Variants in WWOX observed in about 807,000 individuals in gnomAD.
The protein encoded by WWOX is WW domain-containing oxidoreductase.
WWOX carries 69 observed loss-of-function variants against 46.2 expected under a neutral mutation model. The observed-to-expected ratio is 1.49, with a 90% confidence interval of 1.23 to 1.82. The LOEUF is 1.82. Among genes scored for constraint, WWOX ranks in the 40% most tolerant of loss-of-function variants. The pLI is 0.00. For missense variants in WWOX, 919 were observed against 542.6 expected, an observed-to-expected ratio of 1.69 and a Z score of -6.89; for synonymous variants, 359 against 202.6, an observed-to-expected ratio of 1.77 and a Z score of -6.56.
Position 78,594,294 on chromosome 16 carries a change from C to G in WWOX, c.1056+161542C>G, listed in dbSNP as rs530100050. Among the ~76,000 whole-genome samples the G allele has an allele frequency of 2.7e-3, 404 of 152,074 alleles. 1 individual carries two copies. Among genetic ancestry groups the G allele is most frequent in the Non-Finnish European group, 2.4e-3 (165 of 67,986 alleles). On this transcript the variant is annotated intron_variant, in intron 8 of 8. Transcript: ENST00000566780. ...TTGCAAAGTCGATTCCTGACATTTCCGTAGACTGTTTTTTTTGTTTTCAGC... is the reference window on the plus strand; with the variant it reads ...TTGCAAAGTCGATTCCTGACATTTCGGTAGACTGTTTTTTTTGTTTTCAGC...
intron 8 of WWOX, among the ~76,000 whole-genome samples, chr16:78,799,941 C>G (rs936048619): frequency 1.3e-5 from 2 of 152,144 alleles, no homozygotes; most frequent in Admixed American, 1.3e-4. Flanking sequence ...ATCTCAGGCA[C>G]TAGTTAGGAA....
intron 8 of WWOX, among the ~76,000 whole-genome samples, chr16:78,864,773 T>C (rs2043966624): frequency 9.1e-6 from 1 of 109,698 alleles, no homozygotes; most frequent in Non-Finnish European, 1.9e-5. Context: ...TTTTTTTTTT[T>C]TTTTTTTTTG....
intron 5 of WWOX, among the ~76,000 whole-genome samples, chr16:78,285,005 A>G (rs1181765804): frequency 6.6e-6 from 1 of 152,196 alleles, no homozygotes; most frequent in Non-Finnish European, 1.5e-5. Flanking sequence ...ATAGGCATGC[A>G]TGTAATGATG....
intron 5 of WWOX, among the ~76,000 whole-genome samples, chr16:78,358,892 C>CA (rs1286815942): frequency 8.2e-6 from 1 of 121,572 alleles, no homozygotes; most frequent in African/African-American, 3.3e-5. Context: ...TTTAACCAGA[C>CA]ATATAGTGGC....
At chr16:78,602,367 G>A (rs1242736105) in intron 8 of WWOX, among the ~76,000 whole-genome samples, 1 of 152,094 alleles carries the variant, frequency 6.6e-6, no homozygotes, top group African/African-American at 2.4e-5. Context: ...TGAGTAGCTG[G>A]GACTAAAGGC....
intron 8 of WWOX, among the ~76,000 whole-genome samples, chr16:79,155,203 C>T (rs570215517): frequency 6.6e-6 from 1 of 152,252 alleles, no homozygotes; most frequent in South Asian, 2.1e-4. Context: ...TGGTGAAACC[C>T]CATCTCTCCT....
chr16:78,119,770 T>A (rs1049860648), intron 4 of WWOX, among the ~76,000 whole-genome samples: 1 of 152,156 alleles, frequency 6.6e-6, no homozygotes, highest in African/African-American at 2.4e-5. Context: ...CCAGATGCTA[T>A]TAGCAAGTAT....
At chr16:78,701,552 T>C (rs2048218092) in intron 8 of WWOX, among the ~76,000 whole-genome samples, 1 of 152,056 alleles carries the variant, frequency 6.6e-6, no homozygotes, top group Non-Finnish European at 1.5e-5. Context: ...TACTTTTCTC[T>C]TTTTCCCAGC....
At chr16:79,027,800 C>G (rs893987439) in intron 8 of WWOX, among the ~76,000 whole-genome samples, 1 of 151,640 alleles carries the variant, frequency 6.6e-6, no homozygotes, top group Admixed American at 6.6e-5. Flanking sequence ...AAGCATTTCT[C>G]GGGATGGTTT....
chr16:78,752,914 A>C (rs781626805), intron 8 of WWOX, among the ~76,000 whole-genome samples: 15 of 152,232 alleles, frequency 9.9e-5, no homozygotes, highest in Non-Finnish European at 1.8e-4. Flanking sequence ...CACCAGCAGC[A>C]ACGGCACACT....
chr16:78,124,731 A>G (rs2033283783), intron 4 of WWOX, among the ~76,000 whole-genome samples: 1 of 152,178 alleles, frequency 6.6e-6, no homozygotes, highest in Non-Finnish European at 1.5e-5. Flanking sequence ...AATTGTTTTA[A>G]GTCTTTGAGT....
At chr16:78,470,251 G>C (rs1375784105) in intron 8 of WWOX, among the ~76,000 whole-genome samples, 1 of 152,188 alleles carries the variant, frequency 6.6e-6, no homozygotes, top group Non-Finnish European at 1.5e-5. Flanking sequence ...TGAGGCCTGG[G>C]AGTGGCACAA....
Position 78,316,433 on chromosome 16 carries a change from C to A in WWOX, c.517-70427C>A, listed in dbSNP as rs75389161. Among the ~76,000 whole-genome samples the A allele has an allele frequency of 9.4e-3, 1,430 of 152,160 alleles. 78 individuals carry two copies. Among genetic ancestry groups the A allele is most frequent in the Admixed American group, 0.085 (1,299 of 15,288 alleles). On this transcript the variant is annotated intron_variant, in intron 5 of 8. Coordinates refer to ENST00000566780, the MANE Select transcript of WWOX (RefSeq NM_016373.4). ...TTGGCTCACTGCAACCTCCGACCCC[C>A]CTGGGTTCAAGCGATTCTCCTGCCT...
At chr16:78,819,308 C>T (rs1024570131) in intron 8 of WWOX, among the ~76,000 whole-genome samples, 2 of 152,126 alleles carry the variant, frequency 1.3e-5, no homozygotes, top group East Asian at 1.9e-4. Context: ...GGCTTACACA[C>T]CGGACCAAAT....
At chr16:78,995,886 AT>A (rs1340364780) in intron 8 of WWOX, among the ~76,000 whole-genome samples, 4 of 152,186 alleles carry the variant, frequency 2.6e-5, no homozygotes, top group Non-Finnish European at 4.4e-5. Context: ...GTGATCTTAA[AT>A]GGGATCATTT....
At chr16:78,580,426 C>A (rs937728335) in intron 8 of WWOX, among the ~76,000 whole-genome samples, 1 of 152,190 alleles carries the variant, frequency 6.6e-6, no homozygotes, top group South Asian at 2.1e-4. Context: ...TTGATTGCCT[C>A]TGTGATTCCA....
At chr16:78,326,815 C>A (rs1393330510) in intron 5 of WWOX, among the ~76,000 whole-genome samples, 1 of 151,982 alleles carries the variant, frequency 6.6e-6, no homozygotes, top group Non-Finnish European at 1.5e-5. Flanking sequence ...TCAAAACATG[C>A]TTATTTTAGG....
intron 8 of WWOX, among the ~76,000 whole-genome samples, chr16:78,656,174 G>T (rs928179573): frequency 2.6e-5 from 4 of 152,154 alleles, no homozygotes; most frequent in Non-Finnish European, 5.9e-5. Flanking sequence ...ACATTTGTGT[G>T]TGTGTGGGTG....
intron 8 of WWOX, among the ~76,000 whole-genome samples, chr16:78,780,160 C>T (rs2050288394): frequency 6.6e-6 from 1 of 152,160 alleles, no homozygotes; most frequent in African/African-American, 2.4e-5. Context: ...TGGTCACCTG[C>T]ATCCCCTCCT....
Sources: allele counts gnomAD v4.1 joint callset (sites outside exome capture counted in the v4.1 genomes callset), GRCh38; gene constraint gnomAD v4.1.1; transcripts MANE v1.5; gene names NCBI Gene and HGNC (gene_info 2026-07-23, HGNC 2026-07-21).